VWA3B: variants seen among roughly 807,000 people sequenced by gnomAD.
VWA3B encodes the protein von Willebrand factor A domain containing 3B, also known as von Willebrand factor A domain-containing protein 3B.
A neutral mutation model predicts 158.3 loss-of-function variants in VWA3B; 138 were observed. The observed-to-expected ratio is 0.87, with a 90% CI of 0.76 to 1.00. The LOEUF is 1.00. VWA3B is among the 50% of genes least tolerant of loss of function. VWA3B has a pLI of 0.00. For synonymous variants in VWA3B, 596 were observed against 587.3 expected (o/e 1.01, Z -0.21); for missense variants, 1,555 against 1,565.1 (o/e 0.99, Z 0.11).
chr2:98,272,074 G>T (rs1014076323), intron 22 of VWA3B, among the ~76,000 whole-genome samples: 4 of 152,340 alleles, frequency 2.6e-5, no homozygotes, highest in South Asian at 2.1e-4. Flanking sequence ...GACACCGGTT[G>T]GTTCTCCTCC....
intron 2 of VWA3B, 33 bp downstream of exon 2, chr2:98,093,321 A>T: frequency 6.2e-7 from 1 of 1,604,840 alleles, no homozygotes; most frequent in Non-Finnish European, 8.5e-7. Flanking sequence ...GCATGCTGCC[A>T]TTTAGCCTTT....
intron 21 of VWA3B, among the ~76,000 whole-genome samples, chr2:98,261,257 A>G (rs1432721565): frequency 6.6e-6 from 1 of 151,794 alleles, no homozygotes; most frequent in East Asian, 1.9e-4. Flanking sequence ...TCTTGTTTGA[A>G]TTGATATGAA....
At chr2:98,177,848 T>C (rs1179967504) in intron 8 of VWA3B, among the ~76,000 whole-genome samples, 1 of 152,170 alleles carries the variant, frequency 6.6e-6, no homozygotes, top group African/African-American at 2.4e-5. Context: ...GAATTTATAC[T>C]TGATAGAGGG....
chr2:98,220,740 A>G (rs1386319793), intron 14 of VWA3B, among the ~76,000 whole-genome samples: 1 of 152,228 alleles, frequency 6.6e-6, no homozygotes, highest in African/African-American at 2.4e-5. Flanking sequence ...TCAATGATAG[A>G]CTGGATAAAG....
intron 24 of VWA3B, among the ~76,000 whole-genome samples, chr2:98,298,603 T>C (rs898060323): frequency 3.3e-5 from 5 of 152,218 alleles, no homozygotes; most frequent in Non-Finnish European, 7.3e-5. Flanking sequence ...CAAATGTGCA[T>C]TCCATAGATG....
intron 26 of VWA3B, among the ~76,000 whole-genome samples, chr2:98,309,526 G>C (rs968224629): frequency 1.3e-5 from 2 of 152,170 alleles, no homozygotes; most frequent in Non-Finnish European, 1.5e-5. Context: ...CTCATTATCT[G>C]TCTTTTGAGC....
At chr2:98,273,504 C>A (rs1447848298) in intron 22 of VWA3B, among the ~76,000 whole-genome samples, 2 of 152,218 alleles carry the variant, frequency 1.3e-5, no homozygotes, top group Non-Finnish European at 2.9e-5. Flanking sequence ...TGTCGATTTA[C>A]CTTCCTCGCC....
intron 7 of VWA3B, among the ~76,000 whole-genome samples, chr2:98,150,118 G>C (rs1677504749): frequency 6.6e-6 from 1 of 152,236 alleles, no homozygotes; most frequent in South Asian, 2.1e-4. Context: ...AAAACAAAAA[G>C]TAGTTGTAGG....
At chr2:98,225,471 C>CA (rs550295763) in intron 14 of VWA3B, among the ~76,000 whole-genome samples, 1 of 152,228 alleles carries the variant, frequency 6.6e-6, no homozygotes, top group South Asian at 2.1e-4. Context: ...ATAAGAACAT[C>CA]AATACCTACA....
intron 23 of VWA3B, chr2:98,290,858 G>T: frequency 2.4e-6 from 1 of 422,684 alleles, no homozygotes; most frequent in Non-Finnish European, 4.3e-6. Flanking sequence ...TCATTTTTTA[G>T]TAAACAAATT....
chr2:98,196,887 C>T (rs886253028), intron 12 of VWA3B, among the ~76,000 whole-genome samples: 4 of 152,212 alleles, frequency 2.6e-5, no homozygotes, highest in East Asian at 1.9e-4. Context: ...AAAAGTAGTA[C>T]GGAGCGTTCA....
At chr2:98,228,758 G>C (rs1273802477) in intron 15 of VWA3B, among the ~76,000 whole-genome samples, 1 of 152,108 alleles carries the variant, frequency 6.6e-6, no homozygotes, top group Non-Finnish European at 1.5e-5. Context: ...TGGTGGCCGT[G>C]GTGGTGGGTT....
At chr2:98,280,732 G>A (rs529845264) in intron 22 of VWA3B, among the ~76,000 whole-genome samples, 3 of 152,250 alleles carry the variant, frequency 2.0e-5, no homozygotes, top group East Asian at 1.9e-4. Flanking sequence ...GGGAGGCGGG[G>A]GAAAACCTCA....
chr2:98,275,846 G>A lies in VWA3B; in HGVS notation c.3045+4963G>A, dbSNP rs138928060. Among the ~76,000 whole-genome samples the A allele has an allele frequency of 6.1e-3, 927 of 152,334 alleles. 5 individuals are homozygous for A. The highest frequency in any genetic ancestry group is 0.021 in the African/African-American group (885 of 41,574). ...GGGGGCAAAGGCCAATTTGCAGTGGGTAGAAGGGTGGGTAGAAGTGGAGGA... is the reference window on the plus strand; with the variant it reads ...GGGGGCAAAGGCCAATTTGCAGTGGATAGAAGGGTGGGTAGAAGTGGAGGA... On this transcript the variant is annotated intron_variant, in intron 22 of 27. Transcript: ENST00000477737.
intron 12 of VWA3B, among the ~76,000 whole-genome samples, chr2:98,202,382 CT>C (rs1051941018): frequency 1.3e-5 from 2 of 151,864 alleles, no homozygotes; most frequent in Admixed American, 6.6e-5. Context: ...TGTCTACTGC[CT>C]TTTTTTCTTG....
intron 6 of VWA3B, among the ~76,000 whole-genome samples, chr2:98,129,259 G>GTGTGTGTGTGT (rs1491368601): frequency 2.0e-5 from 3 of 148,010 alleles, no homozygotes; most frequent in African/African-American, 7.5e-5. Context: ...GTGTGTGTGT[G>GTGTGTGTGTGT]GAGAGAGAGG....
chr2:98,093,809 C>A (rs1387385633), intron 2 of VWA3B, among the ~76,000 whole-genome samples: 3 of 152,164 alleles, frequency 2.0e-5, no homozygotes, highest in African/African-American at 7.2e-5. Context: ...GCCACAACCA[C>A]CCCAGCCTCT....
intron 14 of VWA3B, among the ~76,000 whole-genome samples, chr2:98,225,495 T>G (rs956967240): frequency 1.3e-5 from 2 of 152,160 alleles, no homozygotes; most frequent in African/African-American, 2.4e-5. Context: ...AAAGTCATAC[T>G]TAGTAGTGAA....
intron 19 of VWA3B, among the ~76,000 whole-genome samples, chr2:98,247,641 A>G (rs932477963): frequency 6.6e-6 from 1 of 152,124 alleles, no homozygotes; most frequent in Non-Finnish European, 1.5e-5. Context: ...CATATCTATT[A>G]TCTGATATAT....
Sources: gnomAD v4.1 joint callset for allele counts (sites outside exome capture counted in the v4.1 genomes callset) on GRCh38, gnomAD v4.1.1 for gene constraint, MANE v1.5 for transcripts, NCBI Gene and HGNC (gene_info 2026-07-23, HGNC 2026-07-21) for gene names.